Variants in RIMS1 observed in about 807,000 individuals in gnomAD.
RIMS1 encodes the protein regulating synaptic membrane exocytosis protein 1.
A neutral mutation model predicts 214.1 loss-of-function variants in RIMS1; 83 were observed. The ratio of observed to expected loss-of-function variants is 0.39; its 90% confidence interval spans 0.32 to 0.47. The LOEUF (loss-of-function observed/expected upper bound fraction) is 0.47, where lower values mean the gene tolerates loss of function less well. Among genes scored for constraint, RIMS1 ranks in the 20% least tolerant of loss-of-function variants. RIMS1 has a pLI of 0.99. For synonymous variants in RIMS1, 793 were observed against 786.8 expected (o/e 1.01, Z -0.13); for missense variants, 2,050 against 2,161.8 (o/e 0.95, Z 1.03).
intron 4 of RIMS1, among the ~76,000 whole-genome samples, chr6:72,111,115 A>G (rs1479712918): frequency 1.3e-5 from 2 of 152,196 alleles, no homozygotes; most frequent in African/African-American, 4.8e-5. Context: ...AAAATTGTAT[A>G]AAGACATGGA....
chr6:71,990,819 C>A (rs1023810015), intron 2 of RIMS1, among the ~76,000 whole-genome samples: 2 of 151,842 alleles, frequency 1.3e-5, no homozygotes, highest in Admixed American at 6.6e-5. Flanking sequence ...AGGCTTAGGC[C>A]AGGTCATGCA....
At chr6:72,397,224 A>G (rs1301005078) in intron 31 of RIMS1, among the ~76,000 whole-genome samples, 1 of 152,230 alleles carries the variant, frequency 6.6e-6, no homozygotes, top group Non-Finnish European at 1.5e-5. Context: ...TCTAATAAAT[A>G]TGAACTCAAG....
intron 27 of RIMS1, among the ~76,000 whole-genome samples, chr6:72,312,494 TAA>T (rs1488308889): frequency 6.6e-6 from 1 of 152,044 alleles, no homozygotes; most frequent in Non-Finnish European, 1.5e-5. Context: ...GAAGTAGAAA[TAA>T]GAGTAGCTTA....
intron 28 of RIMS1, among the ~76,000 whole-genome samples, chr6:72,326,590 A>G (rs990422209): frequency 1.3e-5 from 2 of 151,934 alleles, no homozygotes; most frequent in South Asian, 2.1e-4. Flanking sequence ...CATCTATACA[A>G]TCAGTACATA....
At chr6:72,102,655 G>C (rs1051206975) in intron 4 of RIMS1, among the ~76,000 whole-genome samples, 1 of 151,960 alleles carries the variant, frequency 6.6e-6, no homozygotes, top group Admixed American at 6.6e-5. Context: ...GAATGGTATA[G>C]TGCCAACTGA....
At chr6:72,262,688 C>A in intron 19 of RIMS1, 1 of 831,772 alleles carries the variant, frequency 1.2e-6, no homozygotes, top group Non-Finnish European at 1.4e-6. Context: ...AAAATGTGTA[C>A]ATATAAATAA....
Position 72,265,040 on chromosome 6 carries a change from G to A in RIMS1, c.3182G>A (p.Trp1061Ter), listed in dbSNP as rs749393051. The change falls in exon 20 of 34, where the codon TGG becomes TAG. Residue 1061 changes from tryptophan (W) to a stop codon, truncating the protein, a stop_gained. Coordinates refer to ENST00000521978, the MANE Select transcript of RIMS1 (RefSeq NM_014989.7). LOFTEE classifies it high-confidence loss of function. The part of the protein sequence containing the change: ...KMPLLQSSSH[W>*]NIYSSILPAH... ...CCTTTATTACAGAGCAGTTCTCACT[G>A]GAATATTTACAGGTAAGAGCCCTAA... The A allele has an allele frequency of 8.8e-5, 140 of 1,584,406 alleles. No homozygotes were observed. Among genetic ancestry groups the A allele is most frequent in the Non-Finnish European group, 1.2e-4 (134 of 1,160,824 alleles).
intron 6 of RIMS1, among the ~76,000 whole-genome samples, chr6:72,231,169 A>G (rs2061826215): frequency 6.6e-6 from 1 of 151,744 alleles, no homozygotes; most frequent in African/African-American, 2.4e-5. Flanking sequence ...ATAATAGTGA[A>G]ATCTTAGTTA....
chr6:71,945,896 C>T (rs1787665133), intron 1 of RIMS1, among the ~76,000 whole-genome samples: 2 of 151,872 alleles, frequency 1.3e-5, no homozygotes, highest in South Asian at 4.1e-4. Flanking sequence ...ATTACAGGTA[C>T]CTGCCACTAC....
intron 29 of RIMS1, among the ~76,000 whole-genome samples, chr6:72,369,877 G>A (rs2098161453): frequency 6.6e-6 from 1 of 152,192 alleles, no homozygotes; most frequent in Admixed American, 6.5e-5. Context: ...GAAAGCTATG[G>A]AGATTAGAGA....
intron 24 of RIMS1, among the ~76,000 whole-genome samples, chr6:72,289,627 C>G (rs552665781): frequency 2.9e-4 from 44 of 152,058 alleles, no homozygotes; most frequent in Non-Finnish European, 5.3e-4. Context: ...TACTCAGAAT[C>G]AAAATCATTA....
chr6:72,384,092 G>A (rs1226799327), intron 29 of RIMS1, among the ~76,000 whole-genome samples: 1 of 152,044 alleles, frequency 6.6e-6, no homozygotes, highest in Non-Finnish European at 1.5e-5. Context: ...GCTTTGATTG[G>A]AAGATGATTT....
intron 6 of RIMS1, among the ~76,000 whole-genome samples, chr6:72,233,560 GGTA>G (rs1562864356): frequency 6.6e-6 from 1 of 151,242 alleles, no homozygotes; most frequent in African/African-American, 2.4e-5. Context: ...GAGAGAAAAA[GGTA>G]GTCATTCATT....
chr6:72,014,277 C>T (rs1055373732), intron 2 of RIMS1, among the ~76,000 whole-genome samples: 1 of 152,156 alleles, frequency 6.6e-6, no homozygotes, highest in African/African-American at 2.4e-5. Context: ...TGGCAGAAAC[C>T]ACCCCCATGA....
At chr6:72,039,103 C>A (rs778973725) in intron 2 of RIMS1, among the ~76,000 whole-genome samples, 102 of 152,078 alleles carry the variant, frequency 6.7e-4, no homozygotes, top group Admixed American at 1.2e-3. Flanking sequence ...TTTGAATGCT[C>A]TTTTGTTTGT....
chr6:72,400,377 T>C, intron 33 of RIMS1, 119 bp from the exon 34 acceptor site: 2 of 756,428 alleles, frequency 2.6e-6, no homozygotes, highest in South Asian at 3.2e-5. Context: ...ATAGTTGTAT[T>C]CATTATTCTT....
At chr6:72,250,679 G>C (rs1303725777) in intron 13 of RIMS1, among the ~76,000 whole-genome samples, 1 of 151,982 alleles carries the variant, frequency 6.6e-6, no homozygotes, top group East Asian at 1.9e-4. Flanking sequence ...TTGTTTATAG[G>C]TATATTAGTC....
intron 28 of RIMS1, among the ~76,000 whole-genome samples, chr6:72,328,977 A>G (rs2096573053): frequency 6.6e-6 from 1 of 151,882 alleles, no homozygotes; most frequent in Admixed American, 6.6e-5. Context: ...AGTCATAAGC[A>G]ATGCAGAATC....
At chr6:72,355,561 G>A (rs1348156518) in intron 29 of RIMS1, among the ~76,000 whole-genome samples, 3 of 152,226 alleles carry the variant, frequency 2.0e-5, no homozygotes, top group East Asian at 3.9e-4. Context: ...ATAAAGATGG[G>A]TGAAAACACC....
Sources: gnomAD v4.1 joint callset for allele counts (sites outside exome capture counted in the v4.1 genomes callset) on GRCh38, gnomAD v4.1.1 for gene constraint, MANE v1.5 for transcripts, NCBI Gene and HGNC (gene_info 2026-07-23, HGNC 2026-07-21) for gene names.